Variants in BANP observed in about 807,000 individuals in gnomAD.
BANP encodes BTG3 associated nuclear protein, also known as protein BANP.
In BANP, 11 loss-of-function variants were observed where a neutral mutation model predicts 68.1. That is an observed-to-expected ratio of 0.16 (90% CI 0.10 to 0.27). The LOEUF (loss-of-function observed/expected upper bound fraction) is 0.27, where lower values mean the gene tolerates loss of function less well. Ranked by LOEUF, BANP falls within the 10% of genes least tolerant of loss-of-function variation. The pLI is 1.00. For synonymous variants in BANP, 329 were observed against 303.2 expected (o/e 1.09, Z -0.88); for missense variants, 504 against 722.7 (o/e 0.70, Z 3.47).
chr16:87,974,485 C>T (rs534830077), intron 1 of BANP, among the ~76,000 whole-genome samples: 6 of 152,340 alleles, frequency 3.9e-5, no homozygotes, highest in African/African-American at 1.4e-4. Flanking sequence ...GAAAGCAGAA[C>T]AGAGGTGCTG....
chr16:87,978,016 A>G (rs2062519778), intron 2 of BANP, among the ~76,000 whole-genome samples: 1 of 152,124 alleles, frequency 6.6e-6, no homozygotes, highest in Non-Finnish European at 1.5e-5. Flanking sequence ...TTGTATTTTC[A>G]GTAGAGACGG....
intron 11 of BANP, among the ~76,000 whole-genome samples, chr16:88,063,324 G>A (rs546353236): frequency 1.3e-5 from 2 of 152,242 alleles, no homozygotes; most frequent in Non-Finnish European, 2.9e-5. Context: ...CTGGGAGCTG[G>A]TCCCAGAAGG....
chr16:88,016,512 G>A (rs147528537), intron 6 of BANP, among the ~76,000 whole-genome samples: 47 of 152,290 alleles, frequency 3.1e-4, no homozygotes, highest in East Asian at 2.1e-3. Flanking sequence ...GGCCTGCGCC[G>A]CTGTGTTCGA....
chr16:88,019,431 C>T (rs1483430665), intron 7 of BANP, among the ~76,000 whole-genome samples: 1 of 151,820 alleles, frequency 6.6e-6, no homozygotes, highest in African/African-American at 2.4e-5. Flanking sequence ...CAGTGGCCTC[C>T]GGCAATCTGG....
At chr16:87,978,073 T>C (rs1271305066) in intron 2 of BANP, among the ~76,000 whole-genome samples, 1 of 152,226 alleles carries the variant, frequency 6.6e-6, no homozygotes, top group Non-Finnish European at 1.5e-5. Context: ...TGACCTCAGG[T>C]GATCCACTCA....
chr16:88,033,701 G>GGAGT (rs1567820530), intron 9 of BANP, among the ~76,000 whole-genome samples: 1 of 152,214 alleles, frequency 6.6e-6, no homozygotes, highest in African/African-American at 2.4e-5. Flanking sequence ...CGTGTCCCTT[G>GGAGT]GAGTTACTCA....
intron 1 of BANP, among the ~76,000 whole-genome samples, chr16:87,966,544 C>T (rs557195950): frequency 6.6e-6 from 1 of 152,298 alleles, no homozygotes; most frequent in South Asian, 2.1e-4. Flanking sequence ...TTGATCCTGG[C>T]AACAGAGGCA....
intron 1 of BANP, among the ~76,000 whole-genome samples, chr16:87,958,169 C>T (rs745319434): frequency 4.6e-5 from 7 of 151,646 alleles, no homozygotes; most frequent in African/African-American, 9.7e-5. Context: ...GGTCCTTGGT[C>T]GTTTGTGCCA....
At chr16:88,026,336 C>T (rs1399810198) in intron 7 of BANP, among the ~76,000 whole-genome samples, 5 of 152,260 alleles carry the variant, frequency 3.3e-5, no homozygotes, top group East Asian at 3.9e-4. Context: ...TGAGAAGGCA[C>T]GATAGAGAGG....
chr16:88,020,838 G>GC (rs2075887527), intron 7 of BANP, among the ~76,000 whole-genome samples: 1 of 152,208 alleles, frequency 6.6e-6, no homozygotes, highest in African/African-American at 2.4e-5. Context: ...GGCATTGGCT[G>GC]CAATTCTTTT....
intron 6 of BANP, among the ~76,000 whole-genome samples, chr16:88,017,792 G>T (rs1325556613): frequency 2.6e-5 from 4 of 152,242 alleles, no homozygotes; most frequent in Non-Finnish European, 5.9e-5. Flanking sequence ...CCTTGCTGTG[G>T]CCTCACTGAC....
chr16:88,065,826 G>A (rs2088390538), intron 12 of BANP, among the ~76,000 whole-genome samples: 1 of 152,118 alleles, frequency 6.6e-6, no homozygotes, highest in Non-Finnish European at 1.5e-5. Flanking sequence ...GAGTATGGAA[G>A]GGCACCCTGA....
intron 4 of BANP, among the ~76,000 whole-genome samples, chr16:87,999,266 A>C (rs1044325024): frequency 5.0e-5 from 7 of 138,888 alleles, no homozygotes; most frequent in Non-Finnish European, 1.1e-4. Flanking sequence ...CTGTCCTTCC[A>C]GACACGTCTC....
chr16:88,028,813 T>C (rs1357317333), intron 8 of BANP, among the ~76,000 whole-genome samples: 1 of 152,356 alleles, frequency 6.6e-6, no homozygotes, highest in East Asian at 1.9e-4. Flanking sequence ...ATGTGAGGAC[T>C]ATACTTATGG....
rs118104199 is a variant in BANP, at chr16:88,025,514, C to T, written c.896-1969C>T. Among the ~76,000 whole-genome samples the T allele has an allele frequency of 1.1e-4, 17 of 152,276 alleles. No homozygotes were observed. In the South Asian group the frequency reaches 1.9e-3, roughly 17 times the overall value. On this transcript the variant is annotated intron_variant, in intron 7 of 13. Transcript: ENST00000682872. ...ATGCATGAGGATGAAAATGTGCTGC[C>T]GAAACCACTTTAGGGTGTTCTTCCC...
chr16:88,076,804 A>G lies in BANP; in HGVS notation c.*143A>G. The G allele has an allele frequency of 1.5e-6, 1 of 669,888 alleles. No homozygotes were observed. The highest frequency in any genetic ancestry group is 2.5e-6 in the Non-Finnish European group (1 of 407,110). 41.5% of individuals were successfully genotyped at this position (669,888 alleles called of 1,614,324 possible). The stretch of plus-strand genomic sequence containing the variant: ...CTGAAGGCCGCTGCCTCCGCGGGGA[A>G]CAGCATCCTATCAACTGAAAGAGCA... On this transcript the variant is annotated 3_prime_UTR_variant, in exon 14 of 14. Coordinates refer to ENST00000682872, the MANE Select transcript of BANP (RefSeq NM_001386991.1).
chr16:88,057,358 C>T lies in BANP; in HGVS notation c.1312-7909C>T, dbSNP rs903113831. On this transcript the variant is annotated intron_variant, in intron 11 of 13. Transcript: ENST00000682872. The surrounding 1 kb of genome is among the most constrained non-coding windows in gnomAD (Gnocchi z 4.6). Reference sequence around the variant, plus strand: ...TCTGGAAGGCTACCAGAGTAGCTGCCTGCGAAAGGAAACCTGGGCGTTACT... The same window carrying T: ...TCTGGAAGGCTACCAGAGTAGCTGCTTGCGAAAGGAAACCTGGGCGTTACT... Among the ~76,000 whole-genome samples the T allele has an allele frequency of 1.1e-4, 17 of 152,106 alleles. No individual in the cohort carries two copies. The highest frequency in any genetic ancestry group is 1.5e-5 in the Non-Finnish European group (1 of 68,022).
At chr16:87,961,219 T>C (rs2059058535) in intron 1 of BANP, among the ~76,000 whole-genome samples, 2 of 152,234 alleles carry the variant, frequency 1.3e-5, no homozygotes, top group South Asian at 4.1e-4. Flanking sequence ...ACACACTTGT[T>C]GCGTGTTGGT....
At chr16:88,048,685 C>T (rs1037996344) in intron 11 of BANP, among the ~76,000 whole-genome samples, 1 of 151,674 alleles carries the variant, frequency 6.6e-6, no homozygotes, top group African/African-American at 2.4e-5. Flanking sequence ...TCGGCGCTCA[C>T]AACAGATTAA....
Sources: gnomAD v4.1 joint callset for allele counts (sites outside exome capture counted in the v4.1 genomes callset) on GRCh38, gnomAD v4.1.1 for gene constraint, Gnocchi (gnomAD v3.1) non-coding constraint, MANE v1.5 for transcripts, NCBI Gene and HGNC (gene_info 2026-07-23, HGNC 2026-07-21) for gene names.